ST6GAL1: variants seen among roughly 807,000 people sequenced by gnomAD.
ST6GAL1 encodes beta-galactoside alpha-2,6-sialyltransferase 1.
A neutral mutation model predicts 38.0 loss-of-function variants in ST6GAL1; 20 were observed. The ratio of observed to expected loss-of-function variants is 0.53; its 90% CI spans 0.37 to 0.77. ST6GAL1 has a LOEUF of 0.77. Ranked by LOEUF, ST6GAL1 falls within the 30% of genes least tolerant of loss-of-function variation. ST6GAL1 has a pLI of 0.00. For synonymous variants in ST6GAL1, 196 were observed against 188.2 expected, an observed-to-expected ratio of 1.04 and a Z score of -0.34; for missense variants, 432 against 496.4, an observed-to-expected ratio of 0.87 and a Z score of 1.23.
chr3:186,954,514 T>C (rs1714683976), intron 1 of ST6GAL1, among the ~76,000 whole-genome samples: 1 of 152,202 alleles, frequency 6.6e-6, no homozygotes, highest in Non-Finnish European at 1.5e-5. Context: ...GCTTTACTAA[T>C]TGCCATTCTG....
At chr3:187,069,070 T>C (rs1164934340) in intron 5 of ST6GAL1, among the ~76,000 whole-genome samples, 2 of 152,076 alleles carry the variant, frequency 1.3e-5, no homozygotes, top group Non-Finnish European at 2.9e-5. Context: ...GTGGGTTCTG[T>C]TCTTAGTTCT....
intron 2 of ST6GAL1, among the ~76,000 whole-genome samples, chr3:186,985,496 AT>A (rs576896419): frequency 6.6e-6 from 1 of 151,844 alleles, no homozygotes; most frequent in South Asian, 2.1e-4. Flanking sequence ...AAAGGATATG[AT>A]CTGAGGCTAG....
At chr3:187,045,755 A>G (rs74536113) in intron 4 of ST6GAL1, among the ~76,000 whole-genome samples, 1 of 152,204 alleles carries the variant, frequency 6.6e-6, no homozygotes. Flanking sequence ...CGGTGTGATT[A>G]TTCTTTTATT....
chr3:186,996,746 C>T (rs1407031513), intron 2 of ST6GAL1: 3 of 152,126 alleles, frequency 2.0e-5, no homozygotes, highest in South Asian at 2.1e-4. Flanking sequence ...CTTTGCATGA[C>T]GTGCTATAGA....
At position 187,025,635 on chromosome 3, in the gene ST6GAL1, G is replaced by A. The variant is rs78092327; in HGVS notation, c.-182-13107G>A. The stretch of plus-strand genomic sequence containing the variant: ...CTTTTTGCCAGGCACCTGTCAAATA[G>A]GAAGGCAGATATTTCTATGAATACA... On this transcript the variant is annotated intron_variant, in intron 2 of 7. Transcript: ENST00000169298. The A allele has an allele frequency of 6.6e-3, 1,011 of 152,328 alleles. 4 individuals carry two copies. Among genetic ancestry groups the A allele is most frequent in the Non-Finnish European group, 0.011 (765 of 68,056 alleles). 9.4% of individuals were successfully genotyped at this position (152,328 alleles called of 1,614,324 possible). A position where few individuals can be genotyped will look rare whatever the true frequency, so the allele number is the denominator to read the frequency against.
At chr3:186,992,823 C>G (rs370405173) in intron 2 of ST6GAL1, among the ~76,000 whole-genome samples, 5 of 152,186 alleles carry the variant, frequency 3.3e-5, no homozygotes, top group East Asian at 3.9e-4. Context: ...ATATTTGAGG[C>G]CTACTTTTTT....
chr3:186,934,752 T>TTATTTATG (rs981073813), intron 1 of ST6GAL1, among the ~76,000 whole-genome samples: 3 of 151,334 alleles, frequency 2.0e-5, no homozygotes, highest in Non-Finnish European at 4.4e-5. Context: ...AAAATTTTAT[T>TTATTTATG]TATTTATGTA....
rs368367142 is a variant in ST6GAL1 at position 187,051,327 on chromosome 3, T to C, written c.686T>C (p.Ile229Thr). The change falls in exon 5 of 8, where the codon ATT (isoleucine) becomes ACT (threonine). Residue 229 changes from isoleucine (I) to threonine (T), a missense_variant. Physicochemically the swap from Ile to Thr is moderately conservative, Grantham distance 89. Transcript: ENST00000169298. Reference sequence around the variant, plus strand: ...CAAGATGTGGGCACAAAAACTACCATTCGCCTGATGAACTCTCAGGTAAAA... The same window carrying C: ...CAAGATGTGGGCACAAAAACTACCACTCGCCTGATGAACTCTCAGGTAAAA... ...FQQDVGTKTTIRLMNSQLVTT... is the reference protein window; with the variant it reads ...FQQDVGTKTTTRLMNSQLVTT... 8.1e-6 allele frequency: 13 copies of C among 1,613,998 alleles called. No homozygotes were observed. The highest frequency in any genetic ancestry group is 5.3e-5 in the African/African-American group (4 of 74,930).
chr3:186,985,858 A>G (rs1350658632), intron 2 of ST6GAL1, among the ~76,000 whole-genome samples: 2 of 151,952 alleles, frequency 1.3e-5, no homozygotes, highest in African/African-American at 4.8e-5. Context: ...GGTCATGTGG[A>G]AGCAGGAATC....
intron 2 of ST6GAL1, among the ~76,000 whole-genome samples, chr3:187,015,438 C>T (rs369426826): frequency 2.6e-5 from 4 of 152,306 alleles, no homozygotes; most frequent in South Asian, 4.1e-4. Flanking sequence ...GGCTTGGGAC[C>T]TTGCACATTC....
intron 7 of ST6GAL1, 112 bp downstream of exon 7, chr3:187,074,445 C>G: frequency 8.3e-7 from 1 of 1,210,956 alleles, no homozygotes; most frequent in Non-Finnish European, 1.1e-6. Flanking sequence ...TAAACAATTG[C>G]TAGGATTCTG....
chr3:186,948,331 G>C (rs970938912), intron 1 of ST6GAL1, among the ~76,000 whole-genome samples: 6 of 152,250 alleles, frequency 3.9e-5, no homozygotes, highest in Non-Finnish European at 5.9e-5. Flanking sequence ...TTCTCCAGAA[G>C]TACCGATGAG....
intron 1 of ST6GAL1, among the ~76,000 whole-genome samples, chr3:186,940,783 GT>G (rs35452443): frequency 0.64 from 82,186 of 129,020 alleles, 25,160 homozygotes; most frequent in Middle Eastern, 0.73. Context: ...CCATGTCAGT[GT>G]TTTTTTTTTT....
intron 2 of ST6GAL1, among the ~76,000 whole-genome samples, chr3:187,035,613 A>C (rs1717903513): frequency 6.6e-6 from 1 of 152,198 alleles, no homozygotes; most frequent in African/African-American, 2.4e-5. Flanking sequence ...ACCTATAATC[A>C]TCTGATCTTT....
At chr3:187,030,723 C>A (rs1051110072) in intron 2 of ST6GAL1, among the ~76,000 whole-genome samples, 1 of 152,154 alleles carries the variant, frequency 6.6e-6, no homozygotes, top group Non-Finnish European at 1.5e-5. Flanking sequence ...TGTGAGCCAC[C>A]GTGCCCAGCT....
rs1366467487 is a variant in ST6GAL1 at position 187,043,148 on chromosome 3, A to G, written c.445A>G (p.Asn149Asp). 1.2e-6 allele frequency: 2 copies of G among 1,614,194 alleles called. No homozygotes were observed. The highest frequency in any genetic ancestry group is 1.7e-6 in the Non-Finnish European group (2 of 1,180,020). The change falls in exon 4 of 8, where the codon AAT becomes GAT. Residue 149 changes from asparagine (N) to aspartate (D), a missense_variant. Coordinates refer to ENST00000169298, the MANE Select transcript of ST6GAL1 (RefSeq NM_173216.2). ...GCGCTGCCACCTCCGGGACCATGTGAATGTATCCATGGTAGAGGTCACAGA... is the reference window on the plus strand; with the variant it reads ...GCGCTGCCACCTCCGGGACCATGTGGATGTATCCATGGTAGAGGTCACAGA... ...ALRCHLRDHV[N>D]VSMVEVTDFP...
intron 1 of ST6GAL1, among the ~76,000 whole-genome samples, chr3:186,949,321 G>T (rs771975519): frequency 1.3e-5 from 2 of 152,196 alleles, no homozygotes; most frequent in South Asian, 4.1e-4. Flanking sequence ...AGTTACCTAA[G>T]AGTCTGCCTC....
intron 2 of ST6GAL1, among the ~76,000 whole-genome samples, chr3:186,976,469 G>C (rs779928770): frequency 6.6e-6 from 1 of 151,520 alleles, no homozygotes; most frequent in Non-Finnish European, 1.5e-5. Context: ...TTGCTCTGTT[G>C]CCTAGGCTGG....
intron 2 of ST6GAL1, among the ~76,000 whole-genome samples, chr3:186,977,327 G>A (rs1336549202): frequency 2.6e-5 from 4 of 152,158 alleles, no homozygotes; most frequent in Admixed American, 1.3e-4. Context: ...TTAGTTCCAC[G>A]ATTTAGCCCT....
Sources: gnomAD v4.1 joint callset for allele counts (sites outside exome capture counted in the v4.1 genomes callset) on GRCh38, gnomAD v4.1.1 for gene constraint, MANE v1.5 for transcripts, NCBI Gene and HGNC (gene_info 2026-07-23, HGNC 2026-07-21) for gene names.